TPO: variants seen among roughly 807,000 people sequenced by gnomAD.
TPO encodes the protein thyroid peroxidase.
A neutral mutation model predicts 96.9 loss-of-function variants in TPO; 78 were observed. The observed-to-expected ratio is 0.81, with a 90% CI of 0.67 to 0.97. The LOEUF is 0.97. Among genes scored for constraint, TPO ranks in the 50% least tolerant of loss-of-function variants. The probability of loss-of-function intolerance (pLI) is 0.00; values close to 1 mark genes in which losing one functional copy is unlikely to be tolerated. For missense variants in TPO, 1,252 were observed against 1,274.8 expected, an observed-to-expected ratio of 0.98 and a Z score of 0.27; for synonymous variants, 547 against 538.0, an observed-to-expected ratio of 1.02 and a Z score of -0.23.
intron 11 of TPO, 94 bp downstream of exon 11, chr2:1,494,133 C>T (rs1672089679): frequency 8.1e-7 from 1 of 1,235,826 alleles, no homozygotes; most frequent in East Asian, 2.3e-5. Context: ...CATTCACATT[C>T]CGGCTCCACC....
At chr2:1,425,381 A>G (rs1029663763) in intron 3 of TPO, among the ~76,000 whole-genome samples, 16 of 152,002 alleles carry the variant, frequency 1.1e-4, no homozygotes, top group Non-Finnish European at 2.2e-4. Context: ...GTCGGGATAC[A>G]GAGATGCGTT....
chr2:1,423,175 G>GCATCCTCCCTGACATCCA lies in TPO; in HGVS notation c.179+49_179+66dup, dbSNP rs371188573. The GCATCCTCCCTGACATCCA allele has an allele frequency of 3.4e-5, 53 of 1,575,142 alleles. 2 individuals are homozygous for GCATCCTCCCTGACATCCA. In the African/African-American group the frequency reaches 6.1e-4, roughly 18 times the overall value. On this transcript the variant is annotated intron_variant, in intron 3 of 16. Coordinates refer to ENST00000329066, the MANE Select transcript of TPO (RefSeq NM_001206744.2). The stretch of plus-strand genomic sequence containing the variant: ...GCCGCCCCAAATGCCACCGACAGGC[G>GCATCCTCCCTGACATCCA]CATCCTCCCTGACATCCACACACGT...
At chr2:1,435,797 A>G (rs566848185) in intron 4 of TPO, among the ~76,000 whole-genome samples, 1 of 152,346 alleles carries the variant, frequency 6.6e-6, no homozygotes, top group Admixed American at 6.5e-5. Context: ...ATCTTCATCA[A>G]GGCAAGATTT....
At chr2:1,515,016 G>T (rs972163524) in intron 14 of TPO, among the ~76,000 whole-genome samples, 3 of 152,244 alleles carry the variant, frequency 2.0e-5, no homozygotes, top group Middle Eastern at 3.4e-3. Context: ...AAGTTCCACA[G>T]GTGGCCCCTC....
intron 1 of TPO, among the ~76,000 whole-genome samples, chr2:1,391,161 T>C (rs1228755382): frequency 6.6e-6 from 1 of 152,270 alleles, no homozygotes; most frequent in African/African-American, 2.4e-5. Flanking sequence ...TCTATGGTTT[T>C]AGGTCTCACA....
At chr2:1,482,535 C>T (rs112952664) in intron 8 of TPO, among the ~76,000 whole-genome samples, 17 of 152,294 alleles carry the variant, frequency 1.1e-4, no homozygotes, top group Admixed American at 4.6e-4. Context: ...GACGATGCCC[C>T]GGTCTCACAG....
chr2:1,542,932 T>C lies in TPO; in HGVS notation c.*458T>C. 1 of 254,518 alleles carries C rather than the reference T, an allele frequency of 3.9e-6. No individual in the cohort carries two copies. Among genetic ancestry groups the C allele is most frequent in the Non-Finnish European group, 7.7e-6 (1 of 129,938 alleles). The allele number at this position is 254,518 out of a possible 1,614,324, so 15.8% of individuals were successfully genotyped here. The stretch of plus-strand genomic sequence containing the variant: ...TCTCCTGGGAAGAGCACTCCTGGCT[T>C]CCTGCAGGGCCGGTGGGAGGAGGAA... On this transcript the variant is annotated 3_prime_UTR_variant, in exon 17 of 17. Coordinates refer to ENST00000329066, the MANE Select transcript of TPO (RefSeq NM_001206744.2).
intron 15 of TPO, among the ~76,000 whole-genome samples, chr2:1,517,820 A>G (rs1413608993): frequency 6.6e-6 from 1 of 152,258 alleles, no homozygotes; most frequent in Non-Finnish European, 1.5e-5. Context: ...AGTATTAAAA[A>G]TAACAGCAAA....
chr2:1,477,480 C>T lies in TPO; in HGVS notation c.1214C>T (p.Ala405Val). ...GCCAGCGAGGTCCCCTCCCTGACGGCACTGCACACGCTGTGGCTGCGCGAG... is the reference window on the plus strand; with the variant it reads ...GCCAGCGAGGTCCCCTCCCTGACGGTACTGCACACGCTGTGGCTGCGCGAG... ...GRASEVPSLTALHTLWLREHN... is the reference protein window; with the variant it reads ...GRASEVPSLTVLHTLWLREHN... Residue 405 changes from alanine (A) to valine (V), a missense_variant, in exon 8 of 17, where the codon GCA becomes GTA. Coordinates refer to ENST00000329066, the MANE Select transcript of TPO (RefSeq NM_001206744.2). The T allele has an allele frequency of 6.5e-7, 1 of 1,530,362 alleles. No individual in the cohort carries two copies. The highest frequency in any genetic ancestry group is 8.7e-7 in the Non-Finnish European group (1 of 1,143,926). 94.8% of individuals were successfully genotyped at this position (1,530,362 alleles called of 1,614,324 possible). A position where few individuals can be genotyped will look rare whatever the true frequency, so the allele number is the denominator to read the frequency against.
intron 16 of TPO, 45 bp downstream of exon 16, chr2:1,540,768 T>TTGGACAGGATCTGGGTGTCGGAGCAGCTC (rs1680658750): frequency 6.2e-7 from 1 of 1,613,056 alleles, no homozygotes; most frequent in South Asian, 1.1e-5. Flanking sequence ...ACCGCAGTGG[T>TTGGACAGGATCTGGGTGTCGGAGCAGCTC]TGGACAGGAT....
At chr2:1,537,533 C>G (rs1441469077) in intron 15 of TPO, among the ~76,000 whole-genome samples, 3 of 77,504 alleles carry the variant, frequency 3.9e-5, no homozygotes, top group Non-Finnish European at 5.1e-5. Context: ...CTCCGCCTAT[C>G]CCCCCCAGTG....
chr2:1,419,701 G>A (rs2148421699), intron 2 of TPO, among the ~76,000 whole-genome samples: 1 of 152,270 alleles, frequency 6.6e-6, no homozygotes, highest in Non-Finnish European at 1.5e-5. Context: ...AAAGTCCTTT[G>A]CTTTGGTCTT....
chr2:1,529,131 AATCCCCCCACTGTGTGCAACCTCCCTG>A (rs1677366859), intron 15 of TPO, among the ~76,000 whole-genome samples: 2 of 86,886 alleles, frequency 2.3e-5, no homozygotes, highest in African/African-American at 5.2e-5. Flanking sequence ...AACCTCCCCG[AATCCCCCCACTGTGTGCAACCTCCCTG>A]AATCCCCCCA....
chr2:1,434,756 A>T (rs1573168423), intron 4 of TPO, among the ~76,000 whole-genome samples: 1 of 152,212 alleles, frequency 6.6e-6, no homozygotes, highest in Non-Finnish European at 1.5e-5. Flanking sequence ...AGAATTTTTT[A>T]AAATGATTTC....
Position 1,414,417 on chromosome 2 carries a change from G to A in TPO, c.9G>A (p.Ala3=), listed in dbSNP as rs61758084. The stretch of plus-strand genomic sequence containing the variant: ...CTTCCGTTAATTTTAGAATGAGAGC[G>A]CTCGCTGTGCTGTCTGTCACGCTGG... MR[A]LAVLSVTLVM... is the part of the protein sequence containing the mutation. Residue 3 remains alanine (A), a synonymous_variant, in exon 2 of 17, where the codon GCG becomes GCA. Coordinates refer to ENST00000329066, the MANE Select transcript of TPO (RefSeq NM_001206744.2). 223 of 1,613,566 alleles carry A rather than the reference G, an allele frequency of 1.4e-4. 1 individual carries two copies. Among genetic ancestry groups the A allele is most frequent in the South Asian group, 1.5e-4 (14 of 90,904 alleles).
intron 16 of TPO, 179 bp downstream of exon 16, chr2:1,540,902 G>C: frequency 6.5e-7 from 1 of 1,545,214 alleles, no homozygotes; most frequent in Non-Finnish European, 8.7e-7. Flanking sequence ...GAGCCAGAAT[G>C]TGAGCCTGCT....
At chr2:1,447,997 G>A (rs757808415) in intron 5 of TPO, among the ~76,000 whole-genome samples, 1 of 152,182 alleles carries the variant, frequency 6.6e-6, no homozygotes, top group Non-Finnish European at 1.5e-5. Flanking sequence ...GGGGCAGCTC[G>A]CACTGGGGCG....
chr2:1,438,330 T>G (rs1665795361), intron 5 of TPO, among the ~76,000 whole-genome samples: 1 of 152,184 alleles, frequency 6.6e-6, no homozygotes, highest in Non-Finnish European at 1.5e-5. Flanking sequence ...ATACTTTCCA[T>G]ATGTTTTCAA....
chr2:1,422,397 C>CAGCCGCCT (rs1467468825), intron 2 of TPO, among the ~76,000 whole-genome samples: 1 of 54,878 alleles, frequency 1.8e-5, no homozygotes, highest in African/African-American at 1.0e-4. Context: ...CCGCGCTGGG[C>CAGCCGCCT]CATGGGGAGA....
Sources: allele counts gnomAD v4.1 joint callset (sites outside exome capture counted in the v4.1 genomes callset), GRCh38; gene constraint gnomAD v4.1.1; transcripts MANE v1.5; gene names NCBI Gene and HGNC (gene_info 2026-07-23, HGNC 2026-07-21).